PPIL6: variants seen among roughly 807,000 people sequenced by gnomAD.
PPIL6 encodes the protein probable inactive peptidyl-prolyl cis-trans isomerase-like 6.
PPIL6 carries 39 observed loss-of-function variants against 36.8 expected under a neutral mutation model. The observed-to-expected ratio is 1.06, with a 90% CI of 0.82 to 1.38. PPIL6 has a LOEUF of 1.38. PPIL6 is among the 40% of genes most tolerant of loss of function. The probability of loss-of-function intolerance (pLI) is 0.00; values close to 1 mark genes in which losing one functional copy is unlikely to be tolerated. For missense variants in PPIL6, 368 were observed against 379.1 expected (o/e 0.97, Z 0.24); for synonymous variants, 123 against 134.1 (o/e 0.92, Z 0.57).
intron 6 of PPIL6, among the ~76,000 whole-genome samples, chr6:109,418,518 G>GGGT (rs1253826007): frequency 6.6e-6 from 1 of 151,722 alleles, no homozygotes; most frequent in East Asian, 1.9e-4. Flanking sequence ...ATGTTATACA[G>GGGT]GGTTTTTCTA....
Position 109,419,327 on chromosome 6 carries a change from T to C in PPIL6, c.632-84A>G, listed in dbSNP as rs1773424597. The C allele has an allele frequency of 8.8e-6, 8 of 904,208 alleles. No homozygotes were observed. In the South Asian group the frequency reaches 1.2e-4, roughly 13 times the overall value. 56.0% of individuals were successfully genotyped at this position (904,208 alleles called of 1,614,324 possible). ...TAATGACAGGGAAAAAATTTTGCTT[T>C]CAATGATGATTTCAAGGCTGAGGTG... On this transcript the variant is annotated intron_variant, in intron 5 of 7. Transcript: ENST00000521072.
At chr6:109,405,057 A>AG in intron 6 of PPIL6, 1 of 385,230 alleles carries the variant, frequency 2.6e-6, no homozygotes, top group Non-Finnish European at 5.0e-6. Context: ...GTCTCAAAAA[A>AG]GGAAAAAAAA....
chr6:109,437,830 G>A (rs1402353331), intron 1 of PPIL6, among the ~76,000 whole-genome samples: 4 of 152,090 alleles, frequency 2.6e-5, no homozygotes, highest in Middle Eastern at 3.4e-3. Context: ...TCAGCCTCCC[G>A]AAGTGCTGGG....
intron 3 of PPIL6, among the ~76,000 whole-genome samples, 176 bp downstream of exon 3, chr6:109,430,981 A>C (rs902289168): frequency 3.9e-5 from 6 of 152,230 alleles, no homozygotes; most frequent in African/African-American, 1.4e-4. Flanking sequence ...TGTGAGACAC[A>C]CTTGCTTTAC....
intron 2 of PPIL6, among the ~76,000 whole-genome samples, chr6:109,435,384 G>A (rs767368387): frequency 1.8e-4 from 26 of 146,966 alleles, no homozygotes; most frequent in Admixed American, 8.4e-4. Context: ...TGCAACCTCC[G>A]ACTTCTTGGT....
At chr6:109,423,036 C>T (rs1389977465) in intron 5 of PPIL6, among the ~76,000 whole-genome samples, 1 of 152,086 alleles carries the variant, frequency 6.6e-6, no homozygotes, top group African/African-American at 2.4e-5. Context: ...CAAGGGAACA[C>T]TGAGGTAAGA....
chr6:109,425,618 G>C (rs190146386), intron 5 of PPIL6, among the ~76,000 whole-genome samples: 1 of 152,046 alleles, frequency 6.6e-6, no homozygotes, highest in Admixed American at 6.5e-5. Flanking sequence ...GTGTGGGGGT[G>C]GGCCCCTGCT....
At chr6:109,437,014 T>C (rs901566774) in intron 1 of PPIL6, among the ~76,000 whole-genome samples, 2 of 152,210 alleles carry the variant, frequency 1.3e-5, no homozygotes, top group East Asian at 1.9e-4. Flanking sequence ...AAAAAGATAA[T>C]AACGTTGTGG....
At chr6:109,394,370 CAAAAAAAA>C (rs560635029) in intron 7 of PPIL6, among the ~76,000 whole-genome samples, 1 of 50,284 alleles carries the variant, frequency 2.0e-5, no homozygotes, top group East Asian at 5.9e-4. Flanking sequence ...AGACTTATCT[CAAAAAAAA>C]AAAAAAAAAA....
At chr6:109,411,950 G>A (rs1261311638) in intron 6 of PPIL6, among the ~76,000 whole-genome samples, 6 of 152,166 alleles carry the variant, frequency 3.9e-5, no homozygotes, top group Admixed American at 6.5e-5. Flanking sequence ...GGAAAATGAG[G>A]TAGGAGGCAG....
intron 1 of PPIL6, among the ~76,000 whole-genome samples, chr6:109,439,688 G>A (rs763688409): frequency 1.3e-5 from 2 of 152,296 alleles, no homozygotes; most frequent in South Asian, 2.1e-4. Context: ...GGTACTTCGG[G>A]AGTTAAAAAC....
chr6:109,410,221 T>G (rs1772960871), intron 6 of PPIL6, among the ~76,000 whole-genome samples: 1 of 152,246 alleles, frequency 6.6e-6, no homozygotes, highest in African/African-American at 2.4e-5. Context: ...ATTATAATAC[T>G]TATTTTCTGT....
rs140839946 is a variant in PPIL6 at position 109,439,169 on chromosome 6, G to C, written c.135+1287C>G. Reference sequence around the variant, plus strand: ...CAGAAAATATGTGCCTTCAGAAAAAGAGCGAAAAAAAAGAGAAAAAAAATC... The same window carrying C: ...CAGAAAATATGTGCCTTCAGAAAAACAGCGAAAAAAAAGAGAAAAAAAATC... On this transcript the variant is annotated intron_variant, in intron 1 of 7. Transcript: ENST00000521072. Among the ~76,000 whole-genome samples the C allele has an allele frequency of 5.0e-3, 762 of 151,752 alleles. 5 individuals are homozygous for C. The highest frequency in any genetic ancestry group is 0.017 in the African/African-American group (707 of 41,400).
chr6:109,406,725 T>A (rs943718164), intron 6 of PPIL6, among the ~76,000 whole-genome samples: 2 of 152,222 alleles, frequency 1.3e-5, no homozygotes, highest in East Asian at 3.8e-4. Context: ...CTTTTCATGA[T>A]AAATTCATTT....
chr6:109,438,943 C>T (rs1045038768), intron 1 of PPIL6, among the ~76,000 whole-genome samples: 2 of 152,272 alleles, frequency 1.3e-5, no homozygotes. Context: ...GAAAATTATA[C>T]GCAAGTCAAA....
rs896459393 is a variant in PPIL6 at position 109,440,540 on chromosome 6, C to T, written c.51G>A (p.Pro17=). Residue 17 remains proline, a synonymous_variant, in exon 1 of 8, where the codon CCG becomes CCA. Transcript: ENST00000521072. ...CGPPHARCGS[P]SLPERPLQVK... is the part of the protein sequence containing the mutation. Reference sequence around the variant, plus strand: ...CCTGCAGCGGCCGCTCCGGCAGCGACGGCGAGCCGCACCTAGCGTGCGGGG... The same window carrying T: ...CCTGCAGCGGCCGCTCCGGCAGCGATGGCGAGCCGCACCTAGCGTGCGGGG... 2.7e-6 allele frequency: 4 copies of T among 1,484,002 alleles called. No homozygotes were observed. In the Admixed American group the frequency reaches 7.1e-5, roughly 26 times the overall value. The allele number at this position is 1,484,002 out of a possible 1,614,324, so 91.9% of individuals were successfully genotyped here. A position where few individuals can be genotyped will look rare whatever the true frequency, so the allele number is the denominator to read the frequency against.
intron 1 of PPIL6, among the ~76,000 whole-genome samples, chr6:109,439,504 C>G (rs917318969): frequency 5.3e-5 from 8 of 152,012 alleles, no homozygotes; most frequent in Non-Finnish European, 1.2e-4. Context: ...TTACAGAGAC[C>G]GCCACCACGC....
In PPIL6 at chr6:109,440,458, C is replaced by T. The variant is rs367562291; in HGVS notation, c.133G>A (p.Glu45Lys). 103 of 1,540,482 alleles carry T rather than the reference C, an allele frequency of 6.7e-5. 1 individual carries two copies. In the African/African-American group the frequency reaches 1.3e-3, roughly 20 times the overall value. The change falls in exon 1 of 8, where the codon GAG becomes AAG. Residue 45 changes from glutamate to lysine, a missense_variant and splice_region_variant. Physicochemically the swap from Glu to Lys is moderately conservative, Grantham distance 56. Coordinates refer to ENST00000521072, the MANE Select transcript of PPIL6 (RefSeq NM_173672.5). Reference protein sequence around the residue: ...PNFQIAKSAAENLKNNHPSKF... With the variant: ...PNFQIAKSAAKNLKNNHPSKF... ...GACGGAGGTTTCTCTGTGGTTACCT[C>T]AGCGGCGCTCTTCGCAATCTGAAAG...
intron 6 of PPIL6, among the ~76,000 whole-genome samples, chr6:109,412,380 A>G (rs974180984): frequency 6.6e-6 from 1 of 152,258 alleles, no homozygotes; most frequent in Non-Finnish European, 1.5e-5. Flanking sequence ...TCATGGAAAT[A>G]GAAAAAACAA....
Sources: allele counts gnomAD v4.1 joint callset (sites outside exome capture counted in the v4.1 genomes callset), GRCh38; gene constraint gnomAD v4.1.1; transcripts MANE v1.5; gene names NCBI Gene and HGNC (gene_info 2026-07-23, HGNC 2026-07-21).